LGI1: variants seen among roughly 807,000 people sequenced by gnomAD.
LGI1 encodes leucine-rich glioma-inactivated protein 1.
In LGI1, 11 loss-of-function variants were observed where a neutral mutation model predicts 57.7. The observed-to-expected ratio is 0.19, with a 90% CI of 0.12 to 0.32. The LOEUF is 0.32. Ranked by LOEUF, LGI1 falls within the 10% of genes least tolerant of loss-of-function variation. The probability of loss-of-function intolerance (pLI) is 1.00; values close to 1 mark genes in which losing one functional copy is unlikely to be tolerated. For synonymous variants in LGI1, 222 were observed against 241.9 expected (o/e 0.92, Z 0.76); for missense variants, 422 against 661.9 (o/e 0.64, Z 3.98).
At chr10:93,773,453 T>C (rs180745317) in intron 2 of LGI1, among the ~76,000 whole-genome samples, 72 of 152,300 alleles carry the variant, frequency 4.7e-4, no homozygotes, top group African/African-American at 1.6e-3. Flanking sequence ...AGATCTTACC[T>C]GCTTTACTAC....
chr10:93,782,671 T>A (rs578221632), intron 4 of LGI1: 12 of 152,262 alleles, frequency 7.9e-5, no homozygotes, highest in Non-Finnish European at 1.6e-4. Context: ...ATCAGAATGC[T>A]AAATGCTACA....
rs374219010 is a variant in LGI1, at chr10:93,791,888, T to C, written c.504-855T>C. 9.2e-5 allele frequency: 14 copies of C among 152,326 alleles called. No individual in the cohort carries two copies. In the East Asian group the frequency reaches 1.7e-3, roughly 19 times the overall value. 9.4% of individuals were successfully genotyped at this position (152,326 alleles called of 1,614,324 possible). The stretch of plus-strand genomic sequence containing the variant: ...TGTAGACCACGGAAGAGGATCAGGA[T>C]TAATTATGTCTGTGAGGAAGAAGAA... On this transcript the variant is annotated intron_variant, in intron 5 of 7. Coordinates refer to ENST00000371418, the MANE Select transcript of LGI1 (RefSeq NM_005097.4).
chr10:93,770,682 TC>T (rs1264288693), intron 2 of LGI1: 1 of 152,078 alleles, frequency 6.6e-6, no homozygotes, highest in Non-Finnish European at 1.5e-5. Flanking sequence ...TCATGACCCG[TC>T]CCTACAGACA....
intron 4 of LGI1, among the ~76,000 whole-genome samples, chr10:93,781,186 A>G (rs561957598): frequency 4.0e-5 from 6 of 151,660 alleles, no homozygotes; most frequent in South Asian, 4.2e-4. Flanking sequence ...GTGAAACCCC[A>G]TCTCTACTAA....
intron 2 of LGI1, among the ~76,000 whole-genome samples, chr10:93,773,903 G>A (rs1331742796): frequency 6.6e-6 from 1 of 152,200 alleles, no homozygotes; most frequent in African/African-American, 2.4e-5. Context: ...TGGCTGCTTG[G>A]CAGGCCTACA....
intron 2 of LGI1, chr10:93,767,766 AC>A (rs2059693932): frequency 6.6e-6 from 1 of 152,044 alleles, no homozygotes; most frequent in African/African-American, 2.4e-5. Flanking sequence ...TTTAGCACAC[AC>A]CCCTTCTTTA....
At position 93,792,866 on chromosome 10, in the gene LGI1, C is replaced by T. The variant is rs754645218; in HGVS notation, c.627C>T (p.Arg209=). 6.2e-7 allele frequency: 1 copy of T among 1,613,998 alleles called. No homozygotes were observed. The highest frequency in any genetic ancestry group is 1.1e-5 in the South Asian group (1 of 91,084). ...YCEGPPEYKK[R]KINSLSSKDF... ...AAGGCCCCCCAGAATACAAGAAGCG[C>T]AAAATCAATAGTCTCTCCTCGAAGG... The change falls in exon 6 of 8, where the codon CGC becomes CGT. Residue 209 remains arginine, a synonymous_variant. Coordinates refer to ENST00000371418, the MANE Select transcript of LGI1 (RefSeq NM_005097.4).
intron 4 of LGI1, chr10:93,789,439 G>A (rs567146216): frequency 1.4e-4 from 22 of 152,658 alleles, no homozygotes; most frequent in Non-Finnish European, 2.6e-4. Context: ...AGGAGGGGGC[G>A]CATTTTGGAG....
chr10:93,784,517 G>A (rs1249796603), intron 4 of LGI1, among the ~76,000 whole-genome samples: 1 of 152,188 alleles, frequency 6.6e-6, no homozygotes, highest in Non-Finnish European at 1.5e-5. Context: ...CCTGTACTCT[G>A]TGGCTGAGTT....
intron 4 of LGI1, among the ~76,000 whole-genome samples, chr10:93,785,080 C>T (rs1180511283): frequency 6.6e-6 from 1 of 151,960 alleles, no homozygotes; most frequent in Non-Finnish European, 1.5e-5. Context: ...TATATATGTG[C>T]ATATGTAGTG....
intron 2 of LGI1, chr10:93,768,349 C>T (rs1201080809): frequency 1.3e-5 from 2 of 152,248 alleles, no homozygotes; most frequent in African/African-American, 4.8e-5. Flanking sequence ...CTGCCACTTA[C>T]AAGCTTCAAA....
intron 4 of LGI1, among the ~76,000 whole-genome samples, chr10:93,783,819 C>T (rs1292342592): frequency 6.6e-6 from 1 of 152,138 alleles, no homozygotes; most frequent in African/African-American, 2.4e-5. Context: ...CAAGACCAGC[C>T]TGGCCAACAT....
rs139916655 is a variant in LGI1, at chr10:93,777,984, T to G, written c.431+367T>G. Among the ~76,000 whole-genome samples, 809 of 152,308 alleles carry G rather than the reference T, an allele frequency of 5.3e-3. 2 individuals carry two copies. Among genetic ancestry groups the G allele is most frequent in the Middle Eastern group, 0.041 (12 of 294 alleles). ...CTATAAGCCCTCACTTTATATACAT[T>G]TAAACATAATATAGCCACAGGCGAT... On this transcript the variant is annotated intron_variant, in intron 4 of 7. Coordinates refer to ENST00000371418, the MANE Select transcript of LGI1 (RefSeq NM_005097.4).
intron 7 of LGI1, chr10:93,794,014 T>A (rs528604694): frequency 1.7e-5 from 2 of 115,612 alleles, no homozygotes; most frequent in Admixed American, 1.3e-4. Flanking sequence ...TTTTTCTTTT[T>A]TTTTCTTTTT....
Position 93,758,181 on chromosome 10 carries a change from T to C in LGI1, c.37T>C (p.Cys13Arg). 6.2e-7 allele frequency: 1 copy of C among 1,614,208 alleles called. No individual in the cohort carries two copies. The highest frequency in any genetic ancestry group is 1.1e-5 in the South Asian group (1 of 91,082). ...AAGAAGCAAAAGGATGGGAAATGCC[T>C]GCATTCCCCTGAAAAGAATTGCTTA... ...SERSKRMGNACIPLKRIAYFL... is the reference protein window; with the variant it reads ...SERSKRMGNARIPLKRIAYFL... The change falls in exon 1 of 8, where the codon TGC becomes CGC. Residue 13 changes from cysteine to arginine, a missense_variant. Cys to Arg is a radical substitution (Grantham distance 180). This residue lies in a region of LGI1 where 58 missense variants were observed against 61.8 expected (regional missense o/e 0.94). Transcript: ENST00000371418. The surrounding 1 kb of genome is among the most constrained non-coding windows in gnomAD (Gnocchi z 4.7).
At chr10:93,790,922 G>C (rs1182010309) in intron 5 of LGI1, 1 of 152,152 alleles carries the variant, frequency 6.6e-6, no homozygotes, top group Non-Finnish European at 1.5e-5. Flanking sequence ...GTGGAAGACA[G>C]GAACAAATGA....
At chr10:93,790,384 C>T in intron 5 of LGI1, 1 of 556,552 alleles carries the variant, frequency 1.8e-6, no homozygotes, top group Non-Finnish European at 3.1e-6. Flanking sequence ...ACATGGCACC[C>T]AGGCATTCCT....
chr10:93,795,043 G>C (rs1216333034), intron 7 of LGI1, among the ~76,000 whole-genome samples: 1 of 152,054 alleles, frequency 6.6e-6, no homozygotes, highest in Non-Finnish European at 1.5e-5. Context: ...GCCCCCATAA[G>C]TTTTCCAGTG....
chr10:93,781,424 G>A (rs964718482), intron 4 of LGI1, among the ~76,000 whole-genome samples: 1 of 151,918 alleles, frequency 6.6e-6, no homozygotes, highest in Admixed American at 6.6e-5. Context: ...TGGCTATCAG[G>A]CGAGATCCTC....
Sources: gnomAD v4.1 joint callset for allele counts (sites outside exome capture counted in the v4.1 genomes callset) on GRCh38, gnomAD v4.1.1 for gene constraint, gnomAD v4.1.1 regional missense constraint, Gnocchi (gnomAD v3.1) non-coding constraint, MANE v1.5 for transcripts, NCBI Gene and HGNC (gene_info 2026-07-23, HGNC 2026-07-21) for gene names.